ZNF804B: variants seen among roughly 807,000 people sequenced by gnomAD.
The protein encoded by ZNF804B is zinc finger 804B.
A neutral mutation model predicts 101.4 loss-of-function variants in ZNF804B; 80 were observed. That is an observed-to-expected ratio of 0.79 (90% CI 0.66 to 0.95). The LOEUF (loss-of-function observed/expected upper bound fraction) is 0.95, where lower values mean the gene tolerates loss of function less well. ZNF804B is among the 40% of genes least tolerant of loss of function. The pLI is 0.00. For synonymous variants in ZNF804B, 622 were observed against 558.8 expected (o/e 1.11, Z -1.59); for missense variants, 1,673 against 1,561.9 (o/e 1.07, Z -1.20).
intron 1 of ZNF804B, among the ~76,000 whole-genome samples, chr7:88,854,039 C>G (rs1227332648): frequency 6.6e-6 from 1 of 152,070 alleles, no homozygotes. Context: ...CGTTTTTCAA[C>G]TATTTTTAAT....
chr7:88,798,503 T>A (rs1790526276), intron 1 of ZNF804B, among the ~76,000 whole-genome samples: 1 of 152,090 alleles, frequency 6.6e-6, no homozygotes, highest in African/African-American at 2.4e-5. Flanking sequence ...AGCAATAGTT[T>A]TTAATCTCCA....
At chr7:89,034,839 A>C (rs1400452569) in intron 1 of ZNF804B, among the ~76,000 whole-genome samples, 1 of 152,172 alleles carries the variant, frequency 6.6e-6, no homozygotes, top group Non-Finnish European at 1.5e-5. Flanking sequence ...GTCTTCCACA[A>C]TGTTTGAACT....
chr7:89,228,791 A>T (rs1273555513), intron 2 of ZNF804B, among the ~76,000 whole-genome samples: 1 of 152,126 alleles, frequency 6.6e-6, no homozygotes, highest in Non-Finnish European at 1.5e-5. Flanking sequence ...TGGGTGGTCG[A>T]TGGGACTGGG....
chr7:89,225,705 G>C (rs1789079452), intron 2 of ZNF804B, among the ~76,000 whole-genome samples: 1 of 152,088 alleles, frequency 6.6e-6, no homozygotes, highest in Admixed American at 6.6e-5. Context: ...TGAACAAAAG[G>C]TGTCATGAAA....
chr7:88,864,392 A>T (rs1381053657), intron 1 of ZNF804B, among the ~76,000 whole-genome samples: 2 of 152,142 alleles, frequency 1.3e-5, no homozygotes, highest in East Asian at 3.9e-4. Flanking sequence ...TTAAATGGTA[A>T]TGTGGTTATT....
intron 2 of ZNF804B, among the ~76,000 whole-genome samples, chr7:89,284,397 C>A (rs890415933): frequency 2.6e-5 from 4 of 152,084 alleles, no homozygotes; most frequent in Non-Finnish European, 5.9e-5. Flanking sequence ...ACTAGTGATG[C>A]CAAAAGTGCT....
At chr7:89,316,926 T>G (rs535835591) in intron 2 of ZNF804B, among the ~76,000 whole-genome samples, 1 of 152,308 alleles carries the variant, frequency 6.6e-6, no homozygotes, top group Non-Finnish European at 1.5e-5. Context: ...CATTCTGGAT[T>G]CTGCATGAGT....
intron 2 of ZNF804B, among the ~76,000 whole-genome samples, chr7:89,240,375 T>C (rs1278775635): frequency 2.0e-5 from 3 of 151,914 alleles, no homozygotes; most frequent in African/African-American, 7.3e-5. Context: ...CGTGGGTTTG[T>C]TCATGTAAAT....
chr7:88,971,242 T>C (rs1224095769), intron 1 of ZNF804B, among the ~76,000 whole-genome samples: 1 of 151,600 alleles, frequency 6.6e-6, no homozygotes, highest in Admixed American at 6.6e-5. Flanking sequence ...TGACTGAAGT[T>C]TCATATAGCA....
intron 1 of ZNF804B, among the ~76,000 whole-genome samples, chr7:88,803,744 A>G (rs1363315873): frequency 1.3e-5 from 2 of 152,122 alleles, no homozygotes; most frequent in Non-Finnish European, 2.9e-5. Context: ...CCAGGTATAT[A>G]TGTAACTGTG....
chr7:89,205,220 A>G (rs967810472), intron 1 of ZNF804B, among the ~76,000 whole-genome samples: 1 of 152,162 alleles, frequency 6.6e-6, no homozygotes, highest in African/African-American at 2.4e-5. Flanking sequence ...GGGGATTATT[A>G]TAATTCAAGG....
chr7:88,962,181 C>T (rs1793394951), intron 1 of ZNF804B, among the ~76,000 whole-genome samples: 2 of 151,322 alleles, frequency 1.3e-5, no homozygotes, highest in South Asian at 4.2e-4. Flanking sequence ...TCTCTGCACT[C>T]ACTTCCTTAA....
In ZNF804B at chr7:88,782,104, TGTG is replaced by T. The variant is rs1417619437; in HGVS notation, c.108+22021_108+22023del. 1.2e-4 allele frequency among the ~76,000 whole-genome samples: 9 copies of T among 73,852 alleles called. No homozygotes were observed. In the East Asian group the frequency reaches 6.4e-3, roughly 53 times the overall value. The allele number at this position is 73,852 out of a possible 152,430, so 48.4% of individuals were successfully genotyped here. A position where few individuals can be genotyped will look rare whatever the true frequency, so the allele number is the denominator to read the frequency against. On this transcript the variant is annotated intron_variant, in intron 1 of 3. Transcript: ENST00000333190. ...CTATCCCAGCTTTTGTGTGAGTGCG[TGTG>T]TGTGTGTGTGTGTGTGTGTGTGTGT...
At chr7:89,140,819 T>A (rs771574203) in intron 1 of ZNF804B, among the ~76,000 whole-genome samples, 2 of 151,864 alleles carry the variant, frequency 1.3e-5, no homozygotes, top group Non-Finnish European at 2.9e-5. Flanking sequence ...AGGAGAACTT[T>A]TAATTTTCTT....
At chr7:88,920,587 G>A (rs1308749434) in intron 1 of ZNF804B, among the ~76,000 whole-genome samples, 3 of 151,808 alleles carry the variant, frequency 2.0e-5, no homozygotes. Context: ...AGAGTTCCAG[G>A]CTTCATTACC....
intron 1 of ZNF804B, among the ~76,000 whole-genome samples, chr7:89,194,298 C>A (rs1425658171): frequency 1.3e-5 from 2 of 151,998 alleles, no homozygotes; most frequent in African/African-American, 2.4e-5. Context: ...TTTTGCTGTG[C>A]AGAAGCTCTT....
chr7:88,946,134 G>A (rs1793124536), intron 1 of ZNF804B, among the ~76,000 whole-genome samples: 1 of 152,038 alleles, frequency 6.6e-6, no homozygotes, highest in Non-Finnish European at 1.5e-5. Context: ...ATGTTGAATA[G>A]GAGTGGTGAA....
chr7:89,011,909 G>T (rs1214604216), intron 1 of ZNF804B, among the ~76,000 whole-genome samples: 1 of 152,126 alleles, frequency 6.6e-6, no homozygotes, highest in Non-Finnish European at 1.5e-5. Context: ...CTCCAGTGGG[G>T]ACACTGTGGG....
intron 1 of ZNF804B, chr7:88,795,084 A>C: frequency 1.5e-6 from 1 of 652,712 alleles, no homozygotes; most frequent in Non-Finnish European, 2.4e-6. Context: ...GGTTTGTCAA[A>C]TGTTACTAAA....
Sources: gnomAD v4.1 joint callset for allele counts (sites outside exome capture counted in the v4.1 genomes callset) on GRCh38, gnomAD v4.1.1 for gene constraint, MANE v1.5 for transcripts, NCBI Gene and HGNC (gene_info 2026-07-23, HGNC 2026-07-21) for gene names.